Variants in TACC1 observed in about 807,000 individuals in gnomAD.
TACC1 encodes transforming acidic coiled-coil-containing protein 1.
A neutral mutation model predicts 84.4 loss-of-function variants in TACC1; 48 were observed. The observed-to-expected ratio is 0.57, with a 90% CI of 0.45 to 0.72. The LOEUF is 0.72. Among genes scored for constraint, TACC1 ranks in the 30% least tolerant of loss-of-function variants. TACC1 has a pLI of 0.00. For missense variants in TACC1, 920 were observed against 973.0 expected (o/e 0.95, Z 0.72); for synonymous variants, 372 against 376.3 (o/e 0.99, Z 0.13).
intron 3 of TACC1, among the ~76,000 whole-genome samples, chr8:38,751,951 T>G (rs565900510): frequency 5.1e-4 from 77 of 152,280 alleles, no homozygotes; most frequent in African/African-American, 1.8e-3. Context: ...TATTACCCAC[T>G]GTTATTTTTT....
At chr8:38,785,674 A>G, upstream of TACC1, 2 of 985,440 alleles carry the variant, frequency 2.0e-6, no homozygotes, top group Non-Finnish European at 2.4e-6. Flanking sequence ...ATTATTTCCC[A>G]GAAACAGAAC....
At position 38,851,658 on chromosome 8, in the gene TACC1, T is replaced by C. The variant is rs928094854; in HGVS notation, c.*3635T>C. The C allele has an allele frequency of 2.1e-5, 6 of 284,018 alleles. 1 individual carries two copies. The highest frequency in any genetic ancestry group is 1.6e-4 in the South Asian group (5 of 31,052). 17.6% of individuals were successfully genotyped at this position (284,018 alleles called of 1,614,324 possible). A position where few individuals can be genotyped will look rare whatever the true frequency, so the allele number is the denominator to read the frequency against. ...TCTGACTGTTGTCTCTTTGTGGTCA[T>C]GTGATTGTGAGCTTGCTTTCTGACT... On this transcript the variant is annotated 3_prime_UTR_variant, in exon 13 of 13. Coordinates refer to ENST00000317827, the MANE Select transcript of TACC1 (RefSeq NM_006283.3).
At chr8:38,778,274 TTGTGTG>T (rs3076914) in intron 3 of TACC1, among the ~76,000 whole-genome samples, 6 of 148,252 alleles carry the variant, frequency 4.0e-5, no homozygotes, top group Admixed American at 1.4e-4. Context: ...ATAATTAAAA[TTGTGTG>T]TGTGTGTGTG....
At chr8:38,783,886 T>G (rs1816631754), upstream of TACC1, among the ~76,000 whole-genome samples, 2 of 152,188 alleles carry the variant, frequency 1.3e-5, no homozygotes, top group Non-Finnish European at 2.9e-5. Context: ...AGTCTACAGG[T>G]AAAGGATAAT....
intron 2 of TACC1, among the ~76,000 whole-genome samples, chr8:38,807,675 A>G (rs1288026122): frequency 6.6e-6 from 1 of 152,242 alleles, no homozygotes; most frequent in Non-Finnish European, 1.5e-5. Context: ...TGTTAGCTGA[A>G]TACATTTCTC....
At chr8:38,847,125 C>A in intron 12 of TACC1, among the ~76,000 whole-genome samples, 1 of 152,266 alleles carries the variant, frequency 6.6e-6, no homozygotes, top group East Asian at 1.9e-4. Context: ...GTTTTTTATG[C>A]AATATATTAA....
chr8:38,818,074 T>C (rs888872543), intron 2 of TACC1, among the ~76,000 whole-genome samples: 1 of 151,460 alleles, frequency 6.6e-6, no homozygotes, highest in Non-Finnish European at 1.5e-5. Context: ...AAAAAATAAA[T>C]TAAAATAAAA....
chr8:38,738,700 A>T, intron 1 of TACC1, among the ~76,000 whole-genome samples: 1 of 150,070 alleles, frequency 6.7e-6, no homozygotes, highest in South Asian at 2.1e-4. Flanking sequence ...TCTACAAGAT[A>T]CTCCAGGCTC....
chr8:38,797,813 C>T (rs1388827235), intron 2 of TACC1, among the ~76,000 whole-genome samples: 2 of 152,216 alleles, frequency 1.3e-5, no homozygotes, highest in African/African-American at 2.4e-5. Context: ...CGTGCTCTTT[C>T]CCCCCTTGCT....
At chr8:38,772,663 G>A (rs1283579574) in intron 3 of TACC1, among the ~76,000 whole-genome samples, 7 of 151,842 alleles carry the variant, frequency 4.6e-5, no homozygotes, top group African/African-American at 1.5e-4. Flanking sequence ...GAAAACAAGC[G>A]GCATAATGAA....
intron 6 of TACC1, among the ~76,000 whole-genome samples, chr8:38,832,755 T>C (rs527343183): frequency 6.6e-6 from 1 of 152,348 alleles, no homozygotes; most frequent in African/African-American, 2.4e-5. Flanking sequence ...GTGAGTTCAT[T>C]TGGCTTTTTT....
chr8:38,779,908 A>G (rs555423747), intron 3 of TACC1, among the ~76,000 whole-genome samples: 1 of 152,366 alleles, frequency 6.6e-6, no homozygotes, highest in East Asian at 1.9e-4. Context: ...TGTAGTGTCT[A>G]ACACATAGTA....
chr8:38,805,876 A>T (rs1822574152), intron 2 of TACC1, among the ~76,000 whole-genome samples: 1 of 152,210 alleles, frequency 6.6e-6, no homozygotes, highest in African/African-American at 2.4e-5. Flanking sequence ...TTTCACCATT[A>T]GTGCTGAGCC....
At chr8:38,822,857 C>T (rs929670942) in intron 3 of TACC1, among the ~76,000 whole-genome samples, 4 of 152,156 alleles carry the variant, frequency 2.6e-5, no homozygotes, top group Non-Finnish European at 5.9e-5. Flanking sequence ...TATAACCCTA[C>T]GGGACCACCA....
intron 3 of TACC1, among the ~76,000 whole-genome samples, chr8:38,756,887 C>T (rs1810145890): frequency 1.3e-5 from 2 of 152,214 alleles, no homozygotes; most frequent in Non-Finnish European, 2.9e-5. Flanking sequence ...CTTCTCTGAA[C>T]AGCAGCTCCC....
chr8:38,804,330 G>A (rs763705736), intron 2 of TACC1, among the ~76,000 whole-genome samples: 9 of 151,272 alleles, frequency 5.9e-5, no homozygotes, highest in Non-Finnish European at 7.4e-5. Flanking sequence ...ATGGAATTTC[G>A]CTCTTGTCAC....
chr8:38,820,279 G>A lies in TACC1; in HGVS notation c.1035G>A (p.Leu345=). The change falls in exon 3 of 13, where the codon CTG becomes CTA. Residue 345 remains leucine (L), a synonymous_variant. Coordinates refer to ENST00000317827, the MANE Select transcript of TACC1 (RefSeq NM_006283.3). ...TTCCAAGGAAGCTTGGCAGGAAACT[G>A]GGTAGCACACTGACTCCCAAGATAC... ...KALPRKLGRK[L]GSTLTPKIQK... The A allele has an allele frequency of 6.2e-7, 1 of 1,614,192 alleles. No individual in the cohort carries two copies. The highest frequency in any genetic ancestry group is 8.5e-7 in the Non-Finnish European group (1 of 1,180,040).
At chr8:38,838,366 A>T in intron 7 of TACC1, 104 bp from the exon 8 acceptor site, 1 of 750,302 alleles carries the variant, frequency 1.3e-6, no homozygotes, top group Non-Finnish European at 2.3e-6. Context: ...TTTCTAATAT[A>T]GATTGAACAT....
chr8:38,746,402 T>C (rs919507919), intron 3 of TACC1, among the ~76,000 whole-genome samples: 1 of 152,198 alleles, frequency 6.6e-6, no homozygotes, highest in Non-Finnish European at 1.5e-5. Context: ...TTGTCTAATA[T>C]CTTGAATCTG....
Sources: allele counts gnomAD v4.1 joint callset (sites outside exome capture counted in the v4.1 genomes callset), GRCh38; gene constraint gnomAD v4.1.1; transcripts MANE v1.5; gene names NCBI Gene and HGNC (gene_info 2026-07-23, HGNC 2026-07-21).